TMEM132B: variants seen among roughly 807,000 people sequenced by gnomAD.
TMEM132B encodes the protein transmembrane protein 132B.
TMEM132B carries 18 observed loss-of-function variants against 90.8 expected under a neutral mutation model. The ratio of observed to expected loss-of-function variants is 0.20; its 90% CI spans 0.14 to 0.29. TMEM132B has a LOEUF of 0.29. Ranked by LOEUF, TMEM132B falls within the 10% of genes least tolerant of loss-of-function variation. The pLI is 1.00. For missense variants in TMEM132B, 1,096 were observed against 1,326.8 expected (o/e 0.83, Z 2.70); for synonymous variants, 504 against 523.3 (o/e 0.96, Z 0.50).
At chr12:125,563,607 A>AACC (rs374367688) in intron 4 of TMEM132B, among the ~76,000 whole-genome samples, 10 of 149,696 alleles carry the variant, frequency 6.7e-5, no homozygotes, top group Non-Finnish European at 1.5e-4. Context: ...ACAAAAAAAA[A>AACC]CCCCACAGTA....
At chr12:125,634,069 G>A (rs576090539) in intron 5 of TMEM132B, among the ~76,000 whole-genome samples, 2 of 152,302 alleles carry the variant, frequency 1.3e-5, no homozygotes, top group East Asian at 3.9e-4. Context: ...GGGAGCCAGG[G>A]ACTAGATTCA....
chr12:125,287,228 C>T (rs1875387009), intron 1 of TMEM132B, among the ~76,000 whole-genome samples: 2 of 152,114 alleles, frequency 1.3e-5, no homozygotes, highest in South Asian at 4.1e-4. Flanking sequence ...CCTCCCACCA[C>T]CCTCTTATAA....
At chr12:125,198,456 T>C (rs555805862) in intron 1 of TMEM132B, among the ~76,000 whole-genome samples, 5 of 152,324 alleles carry the variant, frequency 3.3e-5, no homozygotes, top group South Asian at 2.1e-4. Context: ...CTGGCCACAG[T>C]TGGCTCCAGC....
intron 2 of TMEM132B, among the ~76,000 whole-genome samples, chr12:125,360,908 A>T (rs1018378485): frequency 2.6e-5 from 4 of 152,084 alleles, no homozygotes; most frequent in Non-Finnish European, 5.9e-5. Context: ...CTTACTGTCT[A>T]TGTGACTTTG....
intron 1 of TMEM132B, among the ~76,000 whole-genome samples, chr12:125,242,854 T>C (rs372312649): frequency 2.2e-4 from 33 of 152,134 alleles, no homozygotes; most frequent in African/African-American, 7.5e-4. Context: ...GTTAAACACA[T>C]AACATAACAT....
intron 3 of TMEM132B, among the ~76,000 whole-genome samples, chr12:125,451,568 T>C (rs1185628392): frequency 1.3e-5 from 2 of 152,094 alleles, no homozygotes; most frequent in African/African-American, 4.8e-5. Flanking sequence ...GTTAAAACAT[T>C]AAGATTATGC....
At chr12:125,382,150 T>C (rs187256785) in intron 2 of TMEM132B, among the ~76,000 whole-genome samples, 76 of 152,354 alleles carry the variant, frequency 5.0e-4, no homozygotes, top group African/African-American at 1.7e-3. Flanking sequence ...CTTGACTGTT[T>C]GGCATTTTAG....
At chr12:125,475,295 T>C (rs939537763) in intron 3 of TMEM132B, among the ~76,000 whole-genome samples, 1 of 152,144 alleles carries the variant, frequency 6.6e-6, no homozygotes, top group African/African-American at 2.4e-5. Flanking sequence ...ATAGCAAAAC[T>C]TAGCAATATG....
intron 4 of TMEM132B, among the ~76,000 whole-genome samples, chr12:125,528,942 T>A (rs1883567509): frequency 6.6e-6 from 1 of 152,004 alleles, no homozygotes; most frequent in South Asian, 2.1e-4. Context: ...TTATTTCTGT[T>A]ATTATTGCTC....
At chr12:125,367,267 G>C (rs1878163021) in intron 2 of TMEM132B, among the ~76,000 whole-genome samples, 1 of 152,142 alleles carries the variant, frequency 6.6e-6, no homozygotes, top group Non-Finnish European at 1.5e-5. Flanking sequence ...TGAATGCTAA[G>C]TTGTGAAGAC....
At chr12:125,347,799 A>T (rs1877410693) in intron 1 of TMEM132B, among the ~76,000 whole-genome samples, 1 of 152,204 alleles carries the variant, frequency 6.6e-6, no homozygotes, top group Non-Finnish European at 1.5e-5. Flanking sequence ...CTTCACTTTG[A>T]AAAAGCTTGT....
intron 3 of TMEM132B, among the ~76,000 whole-genome samples, chr12:125,435,315 T>G (rs958772003): frequency 1.3e-5 from 2 of 152,212 alleles, no homozygotes; most frequent in African/African-American, 4.8e-5. Context: ...CTGTGGTCAG[T>G]TGCCAGGAAG....
rs753221401 is a variant in TMEM132B at position 125,209,042 on chromosome 12, T to G, written c.67+22176T>G. On this transcript the variant is annotated intron_variant, in intron 1 of 8. Coordinates refer to ENST00000682704, the MANE Select transcript of TMEM132B (RefSeq NM_001366854.1). This position sits in a 1 kb window ranked among gnomAD's most constrained non-coding sequence, Gnocchi z 4.4. ...GTCAACTGAGCCCGGGGTTATTGAT[T>G]TACAGGAGGCAGATTATGTTTGGGA... Among the ~76,000 whole-genome samples, 1 of 152,100 alleles carries G rather than the reference T, an allele frequency of 6.6e-6. No homozygotes were observed. The highest frequency in any genetic ancestry group is 1.5e-5 in the Non-Finnish European group (1 of 67,992).
intron 3 of TMEM132B, among the ~76,000 whole-genome samples, chr12:125,457,311 A>G (rs777286024): frequency 2.6e-5 from 4 of 151,978 alleles, no homozygotes; most frequent in Non-Finnish European, 5.9e-5. Flanking sequence ...TTTCTTTCCA[A>G]CTCATGTTTG....
At chr12:125,515,754 TCA>T (rs1397844537) in intron 3 of TMEM132B, among the ~76,000 whole-genome samples, 21 of 151,430 alleles carry the variant, frequency 1.4e-4, no homozygotes, top group Middle Eastern at 3.5e-3. Context: ...TCACACATAT[TCA>T]CACATTCTCA....
In TMEM132B at chr12:125,460,758, C is replaced by T. The variant is rs1390538707; in HGVS notation, c.1106+45081C>T. On this transcript the variant is annotated intron_variant, in intron 3 of 8. Transcript: ENST00000682704. This position sits in a 1 kb window ranked among gnomAD's most constrained non-coding sequence, Gnocchi z 4.4. The stretch of plus-strand genomic sequence containing the variant: ...ATTGGCAGCCACTTCTTTTGAGGAC[C>T]CACTATTAGCTGCTCATCTACAGGG... 9.2e-5 allele frequency among the ~76,000 whole-genome samples: 14 copies of T among 152,170 alleles called. No homozygotes were observed. Among genetic ancestry groups the T allele is most frequent in the Admixed American group, 9.2e-4 (14 of 15,274 alleles).
At chr12:125,299,023 A>G (rs7299303) in intron 1 of TMEM132B, among the ~76,000 whole-genome samples, 94,566 of 151,884 alleles carry the variant, frequency 0.62, 29,824 homozygotes, top group East Asian at 0.78. Flanking sequence ...GTGAGCCACC[A>G]CGCCCGGCCC....
chr12:125,658,258 A>T lies in TMEM132B; in HGVS notation c.*3548A>T, dbSNP rs1224677030. ...ACATCTGTAGACTAAGTAATTTTTA[A>T]CTTGCTAACTTTTAGAATGTCCACC... On this transcript the variant is annotated 3_prime_UTR_variant, in exon 9 of 9. Coordinates refer to ENST00000682704, the MANE Select transcript of TMEM132B (RefSeq NM_001366854.1). 6.6e-6 allele frequency: 1 copy of T among 152,216 alleles called. No individual in the cohort carries two copies. Among genetic ancestry groups the T allele is most frequent in the East Asian group, 1.9e-4 (1 of 5,204 alleles). 9.4% of individuals were successfully genotyped at this position (152,216 alleles called of 1,614,324 possible).
At chr12:125,530,265 C>T (rs1205482) in intron 4 of TMEM132B, among the ~76,000 whole-genome samples, 57,965 of 150,734 alleles carry the variant, frequency 0.38, 13,460 homozygotes, top group East Asian at 0.86. Flanking sequence ...TCCCTATTGA[C>T]GAATATTTAG....
Sources: allele counts gnomAD v4.1 joint callset (sites outside exome capture counted in the v4.1 genomes callset), GRCh38; gene constraint gnomAD v4.1.1; non-coding constraint Gnocchi (gnomAD v3.1); transcripts MANE v1.5; gene names NCBI Gene and HGNC (gene_info 2026-07-23, HGNC 2026-07-21).